The following SLC36A3 variants were observed in gnomAD, a reference collection of about 807,000 sequenced individuals.
SLC36A3 encodes the protein solute carrier family 36 member 3.
In SLC36A3, 35 loss-of-function variants were observed where a neutral mutation model predicts 44.3. The ratio of observed to expected loss-of-function variants is 0.79; its 90% CI spans 0.60 to 1.05. The LOEUF is 1.05. Among genes scored for constraint, SLC36A3 ranks in the 50% least tolerant of loss-of-function variants. The pLI, the probability that SLC36A3 is intolerant of heterozygous loss-of-function variation, is 0.00. For synonymous variants in SLC36A3, 211 were observed against 227.6 expected, an observed-to-expected ratio of 0.93 and a Z score of 0.66; for missense variants, 540 against 578.7, an observed-to-expected ratio of 0.93 and a Z score of 0.69.
chr5:151,287,120 G>T (rs1754564636), intron 6 of SLC36A3, 126 bp downstream of exon 6: 3 of 826,358 alleles, frequency 3.6e-6, no homozygotes, highest in Non-Finnish European at 5.5e-6. Context: ...ATGTCATGTT[G>T]GCAGGGGCTG....
rs1216612641 is a variant in SLC36A3, at chr5:151,276,433, T to G, written c.*960A>C. Among the ~76,000 whole-genome samples, 2 of 152,274 alleles carry G rather than the reference T, an allele frequency of 1.3e-5. No individual in the cohort carries two copies. Among genetic ancestry groups the G allele is most frequent in the Non-Finnish European group, 2.9e-5 (2 of 68,040 alleles). On this transcript the variant is annotated 3_prime_UTR_variant, in exon 10 of 10. Transcript: ENST00000335230. ...CATTTTATTGTGTATTTCAACAGTT[T>G]GTTTCTGTTCCTTGCTGAGGAATAT...
Position 151,277,444 on chromosome 5 carries a change from C to A in SLC36A3, c.1362G>T (p.Leu454Phe). 6.2e-7 allele frequency: 1 copy of A among 1,614,148 alleles called. No individual in the cohort carries two copies. The highest frequency in any genetic ancestry group is 8.5e-7 in the Non-Finnish European group (1 of 1,180,036). ...CCATGGAATGGCTGATGGGTTGGGG[C>A]AACTCATAGAGGGCTTGGTATGTCC... is the stretch of plus-strand genomic sequence containing the variant. ...IFGTYQALYELPQPISHSMAN... is the reference protein window; with the variant it reads ...IFGTYQALYEFPQPISHSMAN... Residue 454 changes from leucine (L) to phenylalanine (F), a missense_variant, in exon 10 of 10, where the codon TTG becomes TTT. By Grantham distance (22) the Leu-to-Phe change is conservative. Coordinates refer to ENST00000335230, the MANE Select transcript of SLC36A3 (RefSeq NM_181774.4).
At chr5:151,293,883 A>AGGGGG (rs35328440) in intron 3 of SLC36A3, among the ~76,000 whole-genome samples, 9,895 of 152,196 alleles carry the variant, frequency 0.065, 1,031 homozygotes, top group African/African-American at 0.22. Context: ...CAAAGGTGAT[A>AGGGGG]CTCGGGATCC....
intron 3 of SLC36A3, among the ~76,000 whole-genome samples, chr5:151,294,124 A>T (rs916694864): frequency 2.6e-5 from 4 of 152,200 alleles, no homozygotes; most frequent in Admixed American, 2.6e-4. Flanking sequence ...CAGATACCAG[A>T]GTTTAAATCC....
chr5:151,293,236 A>G (rs1384184301), intron 4 of SLC36A3, 128 bp downstream of exon 4: 2 of 765,268 alleles, frequency 2.6e-6, no homozygotes, highest in African/African-American at 1.8e-5. Context: ...GGGGTTATCG[A>G]GGTGATTCTC....
chr5:151,296,273 A>T lies in SLC36A3; in HGVS notation c.220-5T>A, dbSNP rs753992705. 6.2e-7 allele frequency: 1 copy of T among 1,613,382 alleles called. No homozygotes were observed. Among genetic ancestry groups the T allele is most frequent in the South Asian group, 1.1e-5 (1 of 91,038 alleles). ...CAGAAGGCTGACAGGACCGACCTGG[A>T]GGGGAGAGGAGAAAGGGGGAAGTGA... On this transcript the variant is annotated splice_polypyrimidine_tract_variant and splice_region_variant and intron_variant, in intron 2 of 9. Coordinates refer to ENST00000335230, the MANE Select transcript of SLC36A3 (RefSeq NM_181774.4).
Position 151,283,921 on chromosome 5 carries a change from A to T in SLC36A3, c.974+123T>A. On this transcript the variant is annotated intron_variant, in intron 8 of 9. Transcript: ENST00000335230. Reference sequence around the variant, plus strand: ...GACTGATGCAGTGTGAGCAGGAGAGACATATGTCACTTCCAGTGATGGATT... The same window carrying T: ...GACTGATGCAGTGTGAGCAGGAGAGTCATATGTCACTTCCAGTGATGGATT... 4 of 1,240,980 alleles carry T rather than the reference A, an allele frequency of 3.2e-6. No homozygotes were observed. In the South Asian group the frequency reaches 5.1e-5, roughly 16 times the overall value. 76.9% of individuals were successfully genotyped at this position (1,240,980 alleles called of 1,614,324 possible).
Position 151,293,377 on chromosome 5 carries a change from C to G in SLC36A3, c.391G>C (p.Ala131Pro). Reference sequence around the variant, plus strand: ...TGTGACTACTACCTTCCCCACACTGCATGGGCCCTCAGCCAGGTGTTCGGG... The same window carrying G: ...TGTGACTACTACCTTCCCCACACTGGATGGGCCCTCAGCCAGGTGTTCGGG... ...TCPNTWLRAH[A>P]VWGRYTVSFL... Residue 131 changes from alanine (A) to proline (P), a missense_variant, in exon 4 of 10, where the codon GCA (alanine) becomes CCA (proline). By Grantham distance (27) the Ala-to-Pro change is conservative. Coordinates refer to ENST00000335230, the MANE Select transcript of SLC36A3 (RefSeq NM_181774.4). 6.2e-7 allele frequency: 1 copy of G among 1,613,618 alleles called. No individual in the cohort carries two copies. Among genetic ancestry groups the G allele is most frequent in the Middle Eastern group, 1.7e-4 (1 of 6,060 alleles).
chr5:151,282,231 C>T (rs1301480120), intron 8 of SLC36A3, among the ~76,000 whole-genome samples: 3 of 144,870 alleles, frequency 2.1e-5, no homozygotes, highest in Non-Finnish European at 4.5e-5. Context: ...TGCAACGGTA[C>T]GATCTCAGCT....
intron 8 of SLC36A3, among the ~76,000 whole-genome samples, chr5:151,281,640 A>C (rs1265321800): frequency 6.6e-6 from 1 of 152,196 alleles, no homozygotes; most frequent in East Asian, 1.9e-4. Context: ...CAATATGGTG[A>C]AAGCTCGTCT....
chr5:151,281,079 T>C lies in SLC36A3; in HGVS notation c.1079A>G (p.Gln360Arg). ...AEIIIPFAIS[Q>R]VSESWALFVD... ...AAACAGTGCCCAGCTCTCTGACACT[T>C]GGGAGATGGCAAACGGGATGATGAT... Residue 360 changes from glutamine (Q) to arginine (R), a missense_variant, in exon 9 of 10, where the codon CAA (glutamine) becomes CGA (arginine). Coordinates refer to ENST00000335230, the MANE Select transcript of SLC36A3 (RefSeq NM_181774.4). 1 of 1,614,134 alleles carries C rather than the reference T, an allele frequency of 6.2e-7. No individual in the cohort carries two copies. Among genetic ancestry groups the C allele is most frequent in the Non-Finnish European group, 8.5e-7 (1 of 1,180,000 alleles).
chr5:151,298,535 C>T (rs1333379519), intron 2 of SLC36A3, 58 bp downstream of exon 2: 3 of 1,561,286 alleles, frequency 1.9e-6, no homozygotes, highest in Non-Finnish European at 2.6e-6. Context: ...CCTTCAGGAC[C>T]TATCACCCCC....
At chr5:151,278,064 A>G (rs776382936) in intron 9 of SLC36A3, among the ~76,000 whole-genome samples, 28 of 152,178 alleles carry the variant, frequency 1.8e-4, no homozygotes, top group Non-Finnish European at 2.5e-4. Context: ...TCTCATGTGT[A>G]AGAAAGAACT....
At position 151,277,662 on chromosome 5, in the gene SLC36A3, C is replaced by T; in HGVS notation, c.1145-1G>A. 2 of 1,613,390 alleles carry T rather than the reference C, an allele frequency of 1.2e-6. No homozygotes were observed. Among genetic ancestry groups the T allele is most frequent in the Non-Finnish European group, 1.7e-6 (2 of 1,179,660 alleles). On this transcript the variant is annotated splice_acceptor_variant, in intron 9 of 9. Transcript: ENST00000335230. LOFTEE classifies it high-confidence loss of function. The stretch of plus-strand genomic sequence containing the variant: ...CGGGGGATGAGGATGGCTGAGACAC[C>T]TGCAATGAAAGGAGATATTTAGAAT...
intron 2 of SLC36A3, chr5:151,296,526 T>C: frequency 1.9e-6 from 1 of 515,764 alleles, no homozygotes; most frequent in South Asian, 2.6e-5. Context: ...AGCCCATGCA[T>C]TTTCTCATTT....
At chr5:151,292,054 T>G (rs1754777214) in intron 4 of SLC36A3, among the ~76,000 whole-genome samples, 1 of 152,044 alleles carries the variant, frequency 6.6e-6, no homozygotes, top group South Asian at 2.1e-4. Context: ...AGAGACAGGG[T>G]TACGCCATGT....
At chr5:151,278,777 C>G (rs1754199722) in intron 9 of SLC36A3, among the ~76,000 whole-genome samples, 2 of 152,206 alleles carry the variant, frequency 1.3e-5, no homozygotes, top group African/African-American at 4.8e-5. Context: ...GGTCCCTGTC[C>G]ACAGCTTTCC....
chr5:151,293,851 C>T (rs753601367), intron 3 of SLC36A3, among the ~76,000 whole-genome samples: 4 of 152,014 alleles, frequency 2.6e-5, no homozygotes, highest in Non-Finnish European at 5.9e-5. Flanking sequence ...ACTCGAGATC[C>T]TGGCCTGGGC....
chr5:151,295,977 G>C (rs1217792998), intron 3 of SLC36A3, among the ~76,000 whole-genome samples: 1 of 152,256 alleles, frequency 6.6e-6, no homozygotes, highest in Non-Finnish European at 1.5e-5. Context: ...CAGTCATCCA[G>C]CTTGTTAGCA....
Sources: allele counts gnomAD v4.1 joint callset (sites outside exome capture counted in the v4.1 genomes callset), GRCh38; gene constraint gnomAD v4.1.1; transcripts MANE v1.5; gene names NCBI Gene and HGNC (gene_info 2026-07-23, HGNC 2026-07-21).